The following SCD5 variants were observed in gnomAD, a reference collection of about 807,000 sequenced individuals.
SCD5 encodes acyl-CoA-desaturase 4.
In SCD5, 20 loss-of-function variants were observed where a neutral mutation model predicts 30.4. That is an observed-to-expected ratio of 0.66 (90% confidence interval 0.46 to 0.96). The LOEUF is 0.96. Among genes scored for constraint, SCD5 ranks in the 40% least tolerant of loss-of-function variants. The pLI is 0.00. For missense variants in SCD5, 381 were observed against 443.3 expected (o/e 0.86, Z 1.26); for synonymous variants, 173 against 176.4 (o/e 0.98, Z 0.16).
At chr4:82,742,762 G>C (rs538527955) in intron 1 of SCD5, among the ~76,000 whole-genome samples, 21 of 152,298 alleles carry the variant, frequency 1.4e-4, no homozygotes, top group Middle Eastern at 6.8e-3. Flanking sequence ...ACTCCAGTGA[G>C]ATTCTGTCTC....
intron 1 of SCD5, among the ~76,000 whole-genome samples, chr4:82,739,779 T>A (rs1720834800): frequency 6.6e-6 from 1 of 152,264 alleles, no homozygotes; most frequent in Admixed American, 6.5e-5. Context: ...AAAGCCACGA[T>A]GAAAACTTGA....
intron 3 of SCD5, among the ~76,000 whole-genome samples, chr4:82,652,732 G>T (rs775363455): frequency 4.6e-5 from 7 of 152,216 alleles, no homozygotes; most frequent in African/African-American, 7.2e-5. Flanking sequence ...ACTTATACTG[G>T]GCTTATTAGA....
chr4:82,781,818 A>G (rs1185249696), intron 1 of SCD5, among the ~76,000 whole-genome samples: 2 of 152,182 alleles, frequency 1.3e-5, no homozygotes, highest in African/African-American at 4.8e-5. Flanking sequence ...AGTATTATGG[A>G]AAATGAATTT....
intron 3 of SCD5, among the ~76,000 whole-genome samples, chr4:82,646,030 G>A (rs148499094): frequency 7.9e-5 from 12 of 152,260 alleles, no homozygotes; most frequent in South Asian, 2.1e-4. Flanking sequence ...GAGCATGAAG[G>A]GGGGGAAATG....
intron 1 of SCD5, among the ~76,000 whole-genome samples, chr4:82,747,112 G>C (rs149748252): frequency 7.0e-6 from 1 of 142,246 alleles, no homozygotes; most frequent in African/African-American, 2.5e-5. Flanking sequence ...CCCTGCTTCT[G>C]GCTCCCCATC....
intron 1 of SCD5, among the ~76,000 whole-genome samples, chr4:82,779,838 C>G (rs1029854462): frequency 3.9e-5 from 6 of 152,178 alleles, no homozygotes; most frequent in Admixed American, 3.9e-4. Context: ...AGTGCATTTG[C>G]ACTACAATAA....
rs372762377 is a variant in SCD5, at chr4:82,736,406, C to T, written c.233-30993G>A. Among the ~76,000 whole-genome samples the T allele has an allele frequency of 9.3e-4, 142 of 151,876 alleles. 1 individual carries two copies. Among genetic ancestry groups the T allele is most frequent in the African/African-American group, 3.2e-3 (134 of 41,436 alleles). ...GGTGGATCAGCCGAGGTCAGGAGTT[C>T]GAGACCAGCCTGGCCAACATGGTGA... On this transcript the variant is annotated intron_variant, in intron 1 of 4. Coordinates refer to ENST00000319540, the MANE Select transcript of SCD5 (RefSeq NM_001037582.3).
At chr4:82,705,454 G>A in intron 1 of SCD5, 41 bp from the exon 2 acceptor site, 1 of 1,609,500 alleles carries the variant, frequency 6.2e-7, no homozygotes, top group East Asian at 2.2e-5. Context: ...AATGGTCCCT[G>A]AGCTTTCAAA....
intron 1 of SCD5, among the ~76,000 whole-genome samples, chr4:82,723,524 G>A (rs970016284): frequency 2.6e-5 from 4 of 151,982 alleles, no homozygotes; most frequent in Non-Finnish European, 4.4e-5. Flanking sequence ...CAGTTTTGTC[G>A]ATTACCATAA....
chr4:82,685,884 C>G (rs892754784), intron 2 of SCD5, among the ~76,000 whole-genome samples: 3 of 151,538 alleles, frequency 2.0e-5, no homozygotes, highest in Non-Finnish European at 4.4e-5. Context: ...TTTTCCGTAC[C>G]AAGTCTTAGA....
intron 1 of SCD5, among the ~76,000 whole-genome samples, chr4:82,779,534 G>C (rs1721825383): frequency 6.6e-6 from 1 of 152,218 alleles, no homozygotes; most frequent in Non-Finnish European, 1.5e-5. Context: ...AGTGGGCAAT[G>C]CTGTCCCAGA....
At chr4:82,669,397 G>C (rs190975402) in intron 3 of SCD5, among the ~76,000 whole-genome samples, 3 of 152,086 alleles carry the variant, frequency 2.0e-5, no homozygotes, top group African/African-American at 7.2e-5. Context: ...GAAGTAAAAT[G>C]CTGAACAAAC....
chr4:82,753,516 G>T, intron 1 of SCD5: 1 of 449,472 alleles, frequency 2.2e-6, no homozygotes. Context: ...CCAGGAGTGT[G>T]GCTCTTTGTG....
At chr4:82,727,783 C>T (rs1232687575) in intron 1 of SCD5, among the ~76,000 whole-genome samples, 2 of 152,236 alleles carry the variant, frequency 1.3e-5, no homozygotes, top group South Asian at 2.1e-4. Flanking sequence ...TCTCGGTTCA[C>T]TGCAACCTCC....
At chr4:82,705,448 G>T (rs1462472509) in intron 1 of SCD5, 35 bp from the exon 2 acceptor site, 3 of 1,610,328 alleles carry the variant, frequency 1.9e-6, no homozygotes, top group Admixed American at 1.7e-5. Context: ...GTCAACAATG[G>T]TCCCTGAGCT....
At position 82,681,819 on chromosome 4, in the gene SCD5, G is replaced by T. The variant is rs990238564; in HGVS notation, c.364-907C>A. Among the ~76,000 whole-genome samples, 3 of 152,138 alleles carry T rather than the reference G, an allele frequency of 2.0e-5. No individual in the cohort carries two copies. The South Asian group carries it at 6.2e-4, about 32-fold the overall frequency. ...AGAGATGTTCTTAGGATGAAATCTTGGTTGTCATAAGAGAGGGGCAGTCCT... is the reference window on the plus strand; with the variant it reads ...AGAGATGTTCTTAGGATGAAATCTTTGTTGTCATAAGAGAGGGGCAGTCCT... On this transcript the variant is annotated intron_variant, in intron 2 of 4. Transcript: ENST00000319540.
At chr4:82,662,857 C>CA (rs11340677) in intron 3 of SCD5, among the ~76,000 whole-genome samples, 1,293 of 72,236 alleles carry the variant, frequency 0.018, 24 homozygotes, top group Middle Eastern at 0.033. Flanking sequence ...AACTCCGTCT[C>CA]AAAAAAAAAA....
At chr4:82,774,595 A>G (rs950990712) in intron 1 of SCD5, among the ~76,000 whole-genome samples, 1 of 152,178 alleles carries the variant, frequency 6.6e-6, no homozygotes, top group African/African-American at 2.4e-5. Flanking sequence ...CCTCGAAAAG[A>G]AAGAGTAGCC....
chr4:82,790,456 T>A (rs1312340354), intron 1 of SCD5, among the ~76,000 whole-genome samples: 1 of 151,166 alleles, frequency 6.6e-6, no homozygotes, highest in African/African-American at 2.5e-5. Flanking sequence ...GCCCTGTCTC[T>A]CTTTCTCAGG....
Sources: gnomAD v4.1 joint callset for allele counts (sites outside exome capture counted in the v4.1 genomes callset) on GRCh38, gnomAD v4.1.1 for gene constraint, MANE v1.5 for transcripts, NCBI Gene and HGNC (gene_info 2026-07-23, HGNC 2026-07-21) for gene names.